The following CHLSN variants were observed in gnomAD, a reference collection of about 807,000 sequenced individuals.
CHLSN encodes the protein protein cholesin.
the CHLSN span, among the ~76,000 whole-genome samples, chr7:1,040,969 TGCCTCCCGGGGTCAACCCGAAG>T: frequency 6.6e-6 from 1 of 152,248 alleles, no homozygotes; most frequent in East Asian, 1.9e-4. Context: ...CAGCTGACAG[TGCCTCCCGGGGTCAACCCGAAG>T]CCAGAGGCTC....
chr7:998,970 C>G, the CHLSN span, among the ~76,000 whole-genome samples: 42 of 152,118 alleles, frequency 2.8e-4, no homozygotes, highest in African/African-American at 9.6e-4. Flanking sequence ...CATTAAGTAT[C>G]GGCATGTTCG....
the CHLSN span, among the ~76,000 whole-genome samples, chr7:1,068,775 C>A: frequency 8.8e-4 from 134 of 152,280 alleles, no homozygotes; most frequent in African/African-American, 3.2e-3. Flanking sequence ...GGTCATAAGT[C>A]AAATACCTGA....
the CHLSN span, among the ~76,000 whole-genome samples, chr7:1,110,629 C>T: frequency 2.6e-5 from 4 of 152,320 alleles, no homozygotes; most frequent in South Asian, 8.3e-4. Context: ...ACGGGCCTCG[C>T]GGGGCCTGTG....
the CHLSN span, among the ~76,000 whole-genome samples, chr7:1,133,641 C>G: frequency 6.6e-6 from 1 of 151,064 alleles, no homozygotes; most frequent in East Asian, 1.9e-4. Context: ...GTAGTCCCAA[C>G]TACTCGGGAG....
the CHLSN span, among the ~76,000 whole-genome samples, chr7:1,012,611 C>T: frequency 1.3e-5 from 2 of 152,236 alleles, no homozygotes; most frequent in Non-Finnish European, 2.9e-5. Flanking sequence ...ACTGTGGCCA[C>T]GAGGTGGGAA....
the CHLSN span, among the ~76,000 whole-genome samples, chr7:993,666 C>T: frequency 9.9e-5 from 15 of 152,178 alleles, no homozygotes; most frequent in Non-Finnish European, 1.6e-4. Flanking sequence ...TTCCCAGCTA[C>T]TCAGGAGGCT....
the CHLSN span, among the ~76,000 whole-genome samples, chr7:1,130,381 T>C: frequency 2.0e-5 from 3 of 152,040 alleles, no homozygotes; most frequent in African/African-American, 7.2e-5. Context: ...AGGAACAACC[T>C]GGGGTGGCAG....
chr7:1,096,094 C>T, the CHLSN span, among the ~76,000 whole-genome samples: 1 of 152,248 alleles, frequency 6.6e-6, no homozygotes, highest in Non-Finnish European at 1.5e-5. This position sits in a 1 kb window ranked among gnomAD's most constrained non-coding sequence, Gnocchi z 4.6. Flanking sequence ...GGCGTCCTTC[C>T]CTCCCTGCCA....
chr7:1,085,716 C>T, the CHLSN span, among the ~76,000 whole-genome samples: 9 of 151,490 alleles, frequency 5.9e-5, no homozygotes, highest in Admixed American at 5.3e-4. Flanking sequence ...CATCTGTAGT[C>T]CCAGCTACTC....
chr7:1,130,044 C>T, the CHLSN span, among the ~76,000 whole-genome samples: 3 of 152,314 alleles, frequency 2.0e-5, no homozygotes, highest in South Asian at 6.2e-4. Flanking sequence ...CACCTGGCAC[C>T]CTCGGGTGGA....
chr7:1,070,825 A>ACACGTGTG, the CHLSN span, among the ~76,000 whole-genome samples: 3 of 147,318 alleles, frequency 2.0e-5, no homozygotes, highest in African/African-American at 7.7e-5. Context: ...CCACACGTGC[A>ACACGTGTG]CACATATACA....
the CHLSN span, among the ~76,000 whole-genome samples, chr7:1,020,902 TG>T: frequency 1.6e-4 from 24 of 152,186 alleles, no homozygotes; most frequent in African/African-American, 5.8e-4. Context: ...ACAGCAGAGC[TG>T]GGGACTGGGG....
At chr7:1,113,752 C>T in the CHLSN span, among the ~76,000 whole-genome samples, 5,127 of 152,304 alleles carry the variant, frequency 0.034, 281 homozygotes, top group African/African-American at 0.12. Flanking sequence ...CAAGCCACCA[C>T]CTGTGCCTGT....
chr7:1,132,378 T>A, the CHLSN span, among the ~76,000 whole-genome samples: 1 of 151,528 alleles, frequency 6.6e-6, no homozygotes, highest in East Asian at 1.9e-4. Context: ...CAAGACCACA[T>A]CTCTACAAAA....
At chr7:1,035,618 A>G in the CHLSN span, among the ~76,000 whole-genome samples, 1 of 152,198 alleles carries the variant, frequency 6.6e-6, no homozygotes, top group Non-Finnish European at 1.5e-5. Flanking sequence ...CGATAGCCCA[A>G]ATCCAGAGAC....
chr7:1,062,332 T>A, the CHLSN span, among the ~76,000 whole-genome samples: 1 of 152,190 alleles, frequency 6.6e-6, no homozygotes, highest in African/African-American at 2.4e-5. Flanking sequence ...AAAGCAGGAA[T>A]AGTAACCGTA....
At chr7:1,053,477 C>A in the CHLSN span, among the ~76,000 whole-genome samples, 1 of 152,212 alleles carries the variant, frequency 6.6e-6, no homozygotes, top group African/African-American at 2.4e-5. Context: ...TCACATGACT[C>A]GCCAGGCCCT....
the CHLSN span, among the ~76,000 whole-genome samples, chr7:1,020,587 C>T: frequency 6.6e-6 from 1 of 152,222 alleles, no homozygotes; most frequent in African/African-American, 2.4e-5. Flanking sequence ...GCAGGGACAG[C>T]TAGTCTCACA....
the CHLSN span, among the ~76,000 whole-genome samples, chr7:1,067,227 A>T: frequency 5.9e-5 from 5 of 84,966 alleles, no homozygotes; most frequent in South Asian, 4.5e-4. Flanking sequence ...GCACCCCAGA[A>T]GTGAGGGTTT....
Sources: gnomAD v4.1 joint callset for allele counts (sites outside exome capture counted in the v4.1 genomes callset) on GRCh38, gnomAD v4.1.1 for gene constraint, Gnocchi (gnomAD v3.1) non-coding constraint, MANE v1.5 for transcripts, NCBI Gene and HGNC (gene_info 2026-07-23, HGNC 2026-07-21) for gene names.